The following MTMR3 variants were observed in gnomAD, a reference collection of about 807,000 sequenced individuals.
MTMR3 encodes the protein phosphatidylinositol-3,5-bisphosphate 3-phosphatase MTMR3.
Under a neutral mutation model 132.4 loss-of-function variants are expected in MTMR3, and 32 were observed. The observed-to-expected ratio is 0.24, with a 90% CI of 0.18 to 0.32. MTMR3 has a LOEUF of 0.32. Among genes scored for constraint, MTMR3 ranks in the 10% least tolerant of loss-of-function variants. The pLI, the probability that MTMR3 is intolerant of heterozygous loss-of-function variation, is 1.00. For missense variants in MTMR3, 1,216 were observed against 1,489.6 expected (o/e 0.82, Z 3.02); for synonymous variants, 556 against 550.3 (o/e 1.01, Z -0.14).
intron 5 of MTMR3, chr22:29,981,591 T>C (rs1218150258): frequency 6.6e-6 from 1 of 152,252 alleles, no homozygotes; most frequent in African/African-American, 2.4e-5. Flanking sequence ...CTCAGCACTT[T>C]GGGAGGCTGA....
intron 1 of MTMR3, among the ~76,000 whole-genome samples, chr22:29,924,458 T>C (rs1463913890): frequency 2.1e-5 from 3 of 140,976 alleles, no homozygotes; most frequent in Non-Finnish European, 3.2e-5. Context: ...CTGTTTTGTT[T>C]ACTGCAGCTT....
intron 1 of MTMR3, among the ~76,000 whole-genome samples, chr22:29,899,096 C>T (rs1057180142): frequency 6.6e-6 from 1 of 152,118 alleles, no homozygotes; most frequent in Non-Finnish European, 1.5e-5. Context: ...GAATTACTTA[C>T]ATTTATAGCA....
chr22:29,989,009 A>G (rs2066909237), intron 6 of MTMR3: 1 of 152,718 alleles, frequency 6.5e-6, no homozygotes, highest in African/African-American at 2.4e-5. Context: ...TTACATAACC[A>G]TAACATTATC....
chr22:30,025,502 A>C, intron 19 of MTMR3, 128 bp from the exon 20 acceptor site: 1 of 926,278 alleles, frequency 1.1e-6, no homozygotes, highest in Non-Finnish European at 1.7e-6. Context: ...AGAGAGATGA[A>C]AGGGTTTGAT....
chr22:30,018,156 C>T, intron 16 of MTMR3, 84 bp downstream of exon 16: 4 of 1,388,618 alleles, frequency 2.9e-6, no homozygotes, highest in Non-Finnish European at 3.8e-6. Context: ...GGTCAGAGAT[C>T]ATGATGGTAT....
At chr22:29,926,053 C>G (rs2065510671) in intron 1 of MTMR3, among the ~76,000 whole-genome samples, 1 of 152,162 alleles carries the variant, frequency 6.6e-6, no homozygotes, top group Admixed American at 6.5e-5. Context: ...TCCACTTTCC[C>G]ACTCCTCTTT....
intron 1 of MTMR3, among the ~76,000 whole-genome samples, chr22:29,916,271 TGTTTATA>T (rs2145758461): frequency 6.6e-6 from 1 of 152,320 alleles, no homozygotes; most frequent in Admixed American, 6.5e-5. Context: ...CTGGTAGTTG[TGTTTATA>T]GTTCCCAAGT....
Position 29,978,488 on chromosome 22 carries a change from T to A in MTMR3, c.50T>A (p.Ile17Asn). The change falls in exon 4 of 20, where the codon ATC (isoleucine) becomes AAC (asparagine). Residue 17 changes from isoleucine to asparagine, a missense_variant. By Grantham distance (149) the Ile-to-Asn change is moderately radical. Around this residue, in one of 7 missense-constraint regions of MTMR3, gnomAD observed 81 missense variants for 87.7 expected, o/e 0.92. Coordinates refer to ENST00000401950, the MANE Select transcript of MTMR3 (RefSeq NM_021090.4). ...CTTGAGTGCATCCAGGCCAATCAGA[T>A]CTTTCCCAGGAAGCAGCTGATCCGG... Reference protein sequence around the residue: ...HSLECIQANQIFPRKQLIRED... With the variant: ...HSLECIQANQNFPRKQLIRED... The A allele has an allele frequency of 1.2e-6, 2 of 1,613,892 alleles. No individual in the cohort carries two copies. The highest frequency in any genetic ancestry group is 1.7e-6 in the Non-Finnish European group (2 of 1,179,854).
intron 1 of MTMR3, among the ~76,000 whole-genome samples, chr22:29,898,269 G>A (rs1335124200): frequency 6.6e-6 from 1 of 152,130 alleles, no homozygotes; most frequent in Non-Finnish European, 1.5e-5. Context: ...ATTGGGTCAA[G>A]CTATATATAT....
At chr22:29,944,972 CAAAGT>C (rs756996638) in intron 1 of MTMR3, among the ~76,000 whole-genome samples, 16 of 152,126 alleles carry the variant, frequency 1.1e-4, no homozygotes, top group Non-Finnish European at 1.8e-4. Flanking sequence ...TCTCCATAAT[CAAAGT>C]AAATACAATA....
intron 1 of MTMR3, among the ~76,000 whole-genome samples, chr22:29,940,438 G>A (rs572801352): frequency 2.0e-5 from 3 of 150,204 alleles, no homozygotes; most frequent in African/African-American, 7.6e-5. Flanking sequence ...GACTCAGCCC[G>A]CCTGCACCCA....
intron 5 of MTMR3, 74 bp downstream of exon 5, chr22:29,979,126 A>G (rs1439208800): frequency 2.1e-6 from 2 of 967,478 alleles, no homozygotes; most frequent in Non-Finnish European, 3.4e-6. Context: ...GCTCTCAAAG[A>G]GAGGAGAGGC....
At chr22:29,906,282 G>GTCTATCTATCTATCTATCTA (rs1330766461) in intron 1 of MTMR3, among the ~76,000 whole-genome samples, 1 of 87,808 alleles carries the variant, frequency 1.1e-5, no homozygotes, top group Non-Finnish European at 2.3e-5. Flanking sequence ...CTGTCTGTCT[G>GTCTATCTATCTATCTATCTA]TCTGTCTATC....
chr22:29,998,315 T>C (rs914160140), intron 7 of MTMR3: 1 of 152,440 alleles, frequency 6.6e-6, no homozygotes, highest in African/African-American at 2.4e-5. Flanking sequence ...CTATATAATA[T>C]ATGTTACTTT....
At chr22:29,916,102 A>G (rs5763604) in intron 1 of MTMR3, among the ~76,000 whole-genome samples, 9,055 of 152,144 alleles carry the variant, frequency 0.06, 508 homozygotes, top group South Asian at 0.24. Context: ...CCATAATTCA[A>G]CGTTAGGCTT....
intron 1 of MTMR3, among the ~76,000 whole-genome samples, chr22:29,911,696 C>G (rs2065216961): frequency 6.6e-6 from 1 of 151,312 alleles, no homozygotes; most frequent in Non-Finnish European, 1.5e-5. Context: ...GGACTTTAAT[C>G]TCAGGGTAAA....
intron 2 of MTMR3, among the ~76,000 whole-genome samples, chr22:29,965,053 G>C (rs1258093109): frequency 6.6e-6 from 1 of 151,986 alleles, no homozygotes; most frequent in Non-Finnish European, 1.5e-5. Context: ...AGTCTTTTCT[G>C]ATCACTTTAT....
chr22:29,896,437 C>T (rs776743501), intron 1 of MTMR3, among the ~76,000 whole-genome samples: 140 of 152,266 alleles, frequency 9.2e-4, no homozygotes, highest in Non-Finnish European at 1.7e-3. Context: ...GGATCAGCTT[C>T]GATGATTGCT....
At chr22:29,976,417 G>A (rs978234306) in intron 3 of MTMR3, among the ~76,000 whole-genome samples, 5 of 152,042 alleles carry the variant, frequency 3.3e-5, no homozygotes, top group Admixed American at 6.6e-5. Context: ...AAAATGGCTA[G>A]TTCATCTCTT....
Sources: gnomAD v4.1 joint callset for allele counts (sites outside exome capture counted in the v4.1 genomes callset) on GRCh38, gnomAD v4.1.1 for gene constraint, gnomAD v4.1.1 regional missense constraint, MANE v1.5 for transcripts, NCBI Gene and HGNC (gene_info 2026-07-23, HGNC 2026-07-21) for gene names.